The following CEACAM16 variants were observed in gnomAD, a reference collection of about 807,000 sequenced individuals.
CEACAM16 encodes CEA cell adhesion molecule 16, tectorial membrane component.
CEACAM16 carries 30 observed loss-of-function variants against 39.4 expected under a neutral mutation model. The ratio of observed to expected loss-of-function variants is 0.76; its 90% CI spans 0.57 to 1.03. CEACAM16 has a LOEUF of 1.03. Among genes scored for constraint, CEACAM16 ranks in the 50% least tolerant of loss-of-function variants. The pLI is 0.00. For synonymous variants in CEACAM16, 262 were observed against 264.9 expected, an observed-to-expected ratio of 0.99 and a Z score of 0.11; for missense variants, 521 against 585.3, an observed-to-expected ratio of 0.89 and a Z score of 1.13.
Position 44,701,190 on chromosome 19 carries a change from C to T in CEACAM16, c.-96-171C>T, listed in dbSNP as rs1209508332. On this transcript the variant is annotated intron_variant, in intron 1 of 6. Coordinates refer to ENST00000587331, the MANE Select transcript of CEACAM16 (RefSeq NM_001039213.4). This position sits in a 1 kb window ranked among gnomAD's most constrained non-coding sequence, Gnocchi z 4.0. ...TCTCCCAGTACCAAATCCAGGCCCT[C>T]GGCACAAAGAGGGTTAGGCGGCTGC... Among the ~76,000 whole-genome samples, 2 of 152,180 alleles carry T rather than the reference C, an allele frequency of 1.3e-5. No individual in the cohort carries two copies. The highest frequency in any genetic ancestry group is 2.4e-5 in the African/African-American group (1 of 41,442).
At chr19:44,709,179 T>C (rs773973341) in intron 6 of CEACAM16, among the ~76,000 whole-genome samples, 2 of 140,478 alleles carry the variant, frequency 1.4e-5, no homozygotes, top group Non-Finnish European at 3.1e-5. Flanking sequence ...AGAGGCATGG[T>C]CCATGTCTCC....
chr19:44,699,597 G>A, intron 1 of CEACAM16: 1 of 365,824 alleles, frequency 2.7e-6, no homozygotes, highest in Non-Finnish European at 5.3e-6. Flanking sequence ...GGCTGGTCTT[G>A]AACTCCTGAC....
intron 6 of CEACAM16, 29 bp downstream of exon 6, chr19:44,708,216 C>T (rs1487071254): frequency 1.3e-6 from 2 of 1,492,082 alleles, no homozygotes. Context: ...GCAAGGCGTG[C>T]CCCTTTTTAG....
Position 44,703,500 on chromosome 19 carries a change from C to T in CEACAM16, c.189C>T (p.Tyr63=). 2 of 1,613,788 alleles carry T rather than the reference C, an allele frequency of 1.2e-6. No individual in the cohort carries two copies. The highest frequency in any genetic ancestry group is 1.7e-6 in the Non-Finnish European group (2 of 1,179,884). ...CGGGGCCCACACTCAGCGTGTCATA[C>T]CTGGTGGCCAGCTACATCGTGAGCA... ...WYAGPTLSVS[Y]LVASYIVSTG... The change falls in exon 3 of 7, where the codon TAC becomes TAT. Residue 63 remains tyrosine (Y), a synonymous_variant. Transcript: ENST00000587331.
At chr19:44,705,456 G>A (rs1401826776) in intron 4 of CEACAM16, 134 bp from the exon 5 acceptor site, 2 of 826,002 alleles carry the variant, frequency 2.4e-6, no homozygotes, top group African/African-American at 1.7e-5. Flanking sequence ...TAGAGTTAAG[G>A]CCAGAGCTTT....
At chr19:44,703,797 G>C in intron 3 of CEACAM16, 104 bp downstream of exon 3, 1 of 1,099,898 alleles carries the variant, frequency 9.1e-7, no homozygotes, top group Non-Finnish European at 1.3e-6. Context: ...AAATCATCAG[G>C]GAAACCATCA....
At chr19:44,700,820 A>C (rs975315580) in intron 1 of CEACAM16, among the ~76,000 whole-genome samples, 1 of 152,230 alleles carries the variant, frequency 6.6e-6, no homozygotes, top group African/African-American at 2.4e-5. Context: ...GCATGTGGCC[A>C]TACAGTTTCC....
chr19:44,706,380 T>C (rs140321916), intron 5 of CEACAM16, among the ~76,000 whole-genome samples: 2 of 152,266 alleles, frequency 1.3e-5, no homozygotes, highest in African/African-American at 4.8e-5. Flanking sequence ...ATCTTGCTTC[T>C]GTCCTAAAAT....
chr19:44,710,611 T>C lies in CEACAM16; in HGVS notation c.*105T>C. ...CCCCCACAGCGAGGATGCCAGGCTG[T>C]GGTCCTGCTGTTCTCCTGCCTCCAC... On this transcript the variant is annotated 3_prime_UTR_variant, in exon 7 of 7. Transcript: ENST00000587331. The C allele has an allele frequency of 6.6e-7, 1 of 1,506,638 alleles. No individual in the cohort carries two copies. The highest frequency in any genetic ancestry group is 9.2e-7 in the Non-Finnish European group (1 of 1,084,892). 93.3% of individuals were successfully genotyped at this position (1,506,638 alleles called of 1,614,324 possible).
In CEACAM16 at chr19:44,704,249, A is replaced by G; in HGVS notation, c.614A>G (p.Asn205Ser). 1 of 1,541,670 alleles carries G rather than the reference A, an allele frequency of 6.5e-7. No individual in the cohort carries two copies. The highest frequency in any genetic ancestry group is 8.8e-7 in the Non-Finnish European group (1 of 1,142,302). ...GGCGCCTATCAGTGTGAGGTGTGGA[A>G]CCCGGTCAGTGTCAGCCGCAGCGAG... ...EAGAYQCEVW[N>S]PVSVSRSEPI... Residue 205 changes from asparagine (N) to serine (S), a missense_variant, in exon 4 of 7, where the codon AAC becomes AGC. By Grantham distance (46) the Asn-to-Ser change is conservative. Coordinates refer to ENST00000587331, the MANE Select transcript of CEACAM16 (RefSeq NM_001039213.4).
At position 44,707,998 on chromosome 19, in the gene CEACAM16, C is replaced by G; in HGVS notation, c.1078C>G (p.Arg360Gly). The change falls in exon 6 of 7, where the codon CGG becomes GGG. Residue 360 changes from arginine (R) to glycine (G), a missense_variant. By Grantham distance (125) the Arg-to-Gly change is moderately radical. Transcript: ENST00000587331. ...WYRGPASEPN[R>G]LLSQLPSGTW... ...CCGCGGGCCTGCCTCCGAGCCCAAC[C>G]GGCTGCTCAGCCAGCTGCCGTCAGG... is the stretch of plus-strand genomic sequence containing the variant. 3 of 1,608,822 alleles carry G rather than the reference C, an allele frequency of 1.9e-6. No homozygotes were observed. Among genetic ancestry groups the G allele is most frequent in the Non-Finnish European group, 2.5e-6 (3 of 1,178,172 alleles).
At position 44,701,422 on chromosome 19, in the gene CEACAM16, C is replaced by A. The variant is rs182456186; in HGVS notation, c.-35C>A. 535 of 1,555,948 alleles carry A rather than the reference C, an allele frequency of 3.4e-4. No homozygotes were observed. Among genetic ancestry groups the A allele is most frequent in the Non-Finnish European group, 4.3e-4 (495 of 1,149,100 alleles). On this transcript the variant is annotated 5_prime_UTR_variant, in exon 2 of 7. Coordinates refer to ENST00000587331, the MANE Select transcript of CEACAM16 (RefSeq NM_001039213.4). This position sits in a 1 kb window ranked among gnomAD's most constrained non-coding sequence, Gnocchi z 4.0. ...GGGAGTCCGAGCACTGGGACTTCAA[C>A]GCCACCATCTCCAAGACTCGGTTTG...
At chr19:44,708,519 G>A (rs902302585) in intron 6 of CEACAM16, among the ~76,000 whole-genome samples, 1 of 152,198 alleles carries the variant, frequency 6.6e-6, no homozygotes, top group Non-Finnish European at 1.5e-5. Context: ...GTCTGATGGT[G>A]GAGCATCCTT....
rs188095449 is a variant in CEACAM16, at chr19:44,705,897, C to T, written c.940+29C>T. 3.8e-5 allele frequency: 61 copies of T among 1,596,320 alleles called. No individual in the cohort carries two copies. In the African/African-American group the frequency reaches 6.6e-4, roughly 17 times the overall value. On this transcript the variant is annotated intron_variant, in intron 5 of 6. Transcript: ENST00000587331. ...AGTCACCCCCAGCCTGACCACCCCC[C>T]AGTCCCCATGGAGGCCTCATCAGGC...
intron 1 of CEACAM16, among the ~76,000 whole-genome samples, chr19:44,700,716 A>C (rs969671162): frequency 6.6e-6 from 1 of 152,186 alleles, no homozygotes; most frequent in Non-Finnish European, 1.5e-5. Flanking sequence ...CATTTGACAG[A>C]GAGGGGAAAA....
intron 5 of CEACAM16, among the ~76,000 whole-genome samples, chr19:44,706,462 A>C (rs867730724): frequency 4.6e-5 from 7 of 152,078 alleles, no homozygotes; most frequent in Middle Eastern, 3.2e-3. Flanking sequence ...ACATTTTCTC[A>C]TCTTCCGGAG....
chr19:44,703,491 C>T lies in CEACAM16; in HGVS notation c.180C>T (p.Ser60=), dbSNP rs764833757. 10 of 1,613,710 alleles carry T rather than the reference C, an allele frequency of 6.2e-6. No individual in the cohort carries two copies. The South Asian group carries it at 6.6e-5, about 11-fold the overall frequency. Residue 60 remains serine (S), a synonymous_variant, in exon 3 of 7, where the codon AGC becomes AGT. Coordinates refer to ENST00000587331, the MANE Select transcript of CEACAM16 (RefSeq NM_001039213.4). ...GCTGGTATGCGGGGCCCACACTCAG[C>T]GTGTCATACCTGGTGGCCAGCTACA... ...AYSWYAGPTL[S]VSYLVASYIV... is the part of the protein sequence containing the mutation.
intron 6 of CEACAM16, among the ~76,000 whole-genome samples, chr19:44,709,475 C>G (rs368357957): frequency 2.6e-5 from 3 of 113,930 alleles, no homozygotes; most frequent in Admixed American, 8.6e-5. Flanking sequence ...AGTCAGGGAC[C>G]ATGTCTCCTT....
intron 4 of CEACAM16, among the ~76,000 whole-genome samples, chr19:44,704,759 A>ACAAG (rs1974415305): frequency 8.5e-6 from 1 of 117,040 alleles, no homozygotes; most frequent in African/African-American, 3.1e-5. Flanking sequence ...AAACAAAAAA[A>ACAAG]AACAACAACA....
Sources: gnomAD v4.1 joint callset for allele counts (sites outside exome capture counted in the v4.1 genomes callset) on GRCh38, gnomAD v4.1.1 for gene constraint, Gnocchi (gnomAD v3.1) non-coding constraint, MANE v1.5 for transcripts, NCBI Gene and HGNC (gene_info 2026-07-23, HGNC 2026-07-21) for gene names.